The following OMA1 variants were observed in gnomAD, a reference collection of about 807,000 sequenced individuals.
OMA1 encodes metalloendopeptidase OMA1, mitochondrial.
A neutral mutation model predicts 30.9 loss-of-function variants in OMA1; 38 were observed. That is an observed-to-expected ratio of 1.23 (90% CI 0.95 to 1.61). The LOEUF is 1.61. Ranked by LOEUF, OMA1 falls within the 40% of genes most tolerant of loss-of-function variation. The probability of loss-of-function intolerance (pLI) is 0.00; values close to 1 mark genes in which losing one functional copy is unlikely to be tolerated. For synonymous variants in OMA1, 173 were observed against 121.9 expected (o/e 1.42, Z -2.76); for missense variants, 461 against 349.2 (o/e 1.32, Z -2.55).
chr1:58,536,654 G>C lies in OMA1; in HGVS notation c.588C>G (p.Phe196Leu), dbSNP rs967618203. Residue 196 changes from phenylalanine to leucine, a missense_variant, in exon 3 of 9, where the codon TTC becomes TTG. By Grantham distance (22) the Phe-to-Leu change is conservative (BLOSUM62 0). Transcript: ENST00000371226. ...ENIRKNKWKLFLGLSSFGLLF... is the reference protein window; with the variant it reads ...ENIRKNKWKLLLGLSSFGLLF... ...GCAATCCAAAACTACTCAAACCAAG[G>C]AATAGCTTCCATTTATTCTTCCTTA... The C allele has an allele frequency of 1.1e-6, 1 of 872,698 alleles. No homozygotes were observed. Among genetic ancestry groups the C allele is most frequent in the Non-Finnish European group, 2.0e-6 (1 of 501,584 alleles). The allele number at this position is 872,698 out of a possible 1,614,324, so 54.1% of individuals were successfully genotyped here.
intron 7 of OMA1, among the ~76,000 whole-genome samples, chr1:58,519,792 A>G (rs558103287): frequency 3.2e-4 from 49 of 152,298 alleles, no homozygotes; most frequent in African/African-American, 1.1e-3. Context: ...ACAAAGAAAC[A>G]TATGACAAAA....
intron 1 of OMA1, among the ~76,000 whole-genome samples, chr1:58,545,837 C>T (rs1401332713): frequency 6.6e-6 from 1 of 152,136 alleles, no homozygotes; most frequent in East Asian, 1.9e-4. Flanking sequence ...ATCATTCAAG[C>T]AAAGTACACA....
chr1:58,487,790 C>A (rs961896136), intron 8 of OMA1, among the ~76,000 whole-genome samples: 2 of 152,138 alleles, frequency 1.3e-5, no homozygotes, highest in East Asian at 1.9e-4. Flanking sequence ...TCCCCTCCCC[C>A]CTCAACACAC....
At chr1:58,489,159 G>A (rs1645630240) in intron 8 of OMA1, among the ~76,000 whole-genome samples, 1 of 152,232 alleles carries the variant, frequency 6.6e-6, no homozygotes, top group African/African-American at 2.4e-5. Context: ...TGTCACCCGG[G>A]AAGTGCAACG....
intron 7 of OMA1, among the ~76,000 whole-genome samples, chr1:58,521,466 A>G (rs1343908808): frequency 6.6e-6 from 1 of 152,104 alleles, no homozygotes; most frequent in Non-Finnish European, 1.5e-5. Context: ...AAACAATTAT[A>G]TAATAGAGAC....
chr1:58,514,585 G>A (rs1646131014), intron 7 of OMA1, among the ~76,000 whole-genome samples: 1 of 152,024 alleles, frequency 6.6e-6, no homozygotes. Context: ...CCCTACACTT[G>A]TCCCAGTCAT....
chr1:58,509,947 T>C (rs576022364), intron 7 of OMA1, among the ~76,000 whole-genome samples: 57 of 151,776 alleles, frequency 3.8e-4, no homozygotes, highest in Admixed American at 1.4e-3. Context: ...GAAAAAGAAA[T>C]AGGAAATATG....
At chr1:58,506,018 T>TA (rs1441619085) in intron 8 of OMA1, 42 bp downstream of exon 8, 2 of 806,150 alleles carry the variant, frequency 2.5e-6, no homozygotes, top group Admixed American at 1.8e-5. Context: ...AAATAAATGA[T>TA]ACAGTAAAAA....
At chr1:58,523,411 C>T (rs1569946566) in intron 7 of OMA1, among the ~76,000 whole-genome samples, 1 of 152,060 alleles carries the variant, frequency 6.6e-6, no homozygotes, top group Admixed American at 6.5e-5. Context: ...AATGTTCTAT[C>T]GGGGTTCTCT....
At chr1:58,512,478 C>G (rs1468808619) in intron 7 of OMA1, among the ~76,000 whole-genome samples, 5 of 152,082 alleles carry the variant, frequency 3.3e-5, no homozygotes, top group Non-Finnish European at 7.4e-5. Context: ...TTCACAATAG[C>G]CAAGATGTGG....
chr1:58,520,259 T>A (rs1036012714), intron 7 of OMA1, among the ~76,000 whole-genome samples: 1 of 151,484 alleles, frequency 6.6e-6, no homozygotes, highest in Non-Finnish European at 1.5e-5. Flanking sequence ...TTGAAAAAAA[T>A]AAAAAATAAA....
intron 8 of OMA1, among the ~76,000 whole-genome samples, chr1:58,486,170 T>C (rs1013322420): frequency 2.0e-5 from 3 of 152,166 alleles, no homozygotes; most frequent in East Asian, 1.9e-4. Context: ...AAAATGTCTA[T>C]GCCAAAGAGA....
intron 7 of OMA1, among the ~76,000 whole-genome samples, chr1:58,510,012 A>G (rs947898202): frequency 4.6e-5 from 7 of 152,158 alleles, no homozygotes. Context: ...CCCAACAAAG[A>G]AAAGCCCAGA....
At chr1:58,522,878 C>T (rs11810356) in intron 7 of OMA1, among the ~76,000 whole-genome samples, 4,077 of 152,274 alleles carry the variant, frequency 0.027, 178 homozygotes, top group African/African-American at 0.092. Flanking sequence ...CTTATCTTCA[C>T]ACTGAGTAGA....
intron 1 of OMA1, among the ~76,000 whole-genome samples, chr1:58,545,078 G>T (rs142592899): frequency 1.3e-5 from 2 of 151,996 alleles, no homozygotes; most frequent in African/African-American, 4.8e-5. Flanking sequence ...TTCATATGGC[G>T]AACCAGGCCC....
chr1:58,531,304 C>T (rs2100475245), intron 5 of OMA1, among the ~76,000 whole-genome samples: 1 of 152,204 alleles, frequency 6.6e-6, no homozygotes, highest in Non-Finnish European at 1.5e-5. Context: ...ATCTTCAAGA[C>T]CTAATATATG....
chr1:58,518,388 G>T (rs907777259), intron 7 of OMA1, among the ~76,000 whole-genome samples: 1 of 150,826 alleles, frequency 6.6e-6, no homozygotes, highest in Non-Finnish European at 1.5e-5. Context: ...GAAAAGAAAA[G>T]AAAAAAGAAA....
intron 8 of OMA1, among the ~76,000 whole-genome samples, chr1:58,487,093 G>T (rs970392636): frequency 5.3e-5 from 8 of 152,234 alleles, no homozygotes; most frequent in African/African-American, 1.7e-4. Context: ...GGTGAAACGT[G>T]ACATCGTGAG....
chr1:58,535,624 C>A (rs1646504866), intron 3 of OMA1, among the ~76,000 whole-genome samples: 1 of 148,974 alleles, frequency 6.7e-6, no homozygotes, highest in South Asian at 2.1e-4. Context: ...AAGATTCAGC[C>A]ATGCCAAAGC....
Sources: gnomAD v4.1 joint callset for allele counts (sites outside exome capture counted in the v4.1 genomes callset) on GRCh38, gnomAD v4.1.1 for gene constraint, MANE v1.5 for transcripts, NCBI Gene and HGNC (gene_info 2026-07-23, HGNC 2026-07-21) for gene names.